Variants in CADM4 observed in about 807,000 individuals in gnomAD.
The protein encoded by CADM4 is cell adhesion molecule 4.
Under a neutral mutation model 43.9 loss-of-function variants are expected in CADM4, and 13 were observed. The observed-to-expected ratio is 0.30, with a 90% confidence interval of 0.19 to 0.47. CADM4 has a LOEUF of 0.47. Among genes scored for constraint, CADM4 ranks in the 20% least tolerant of loss-of-function variants. CADM4 has a pLI of 1.00. For synonymous variants in CADM4, 209 were observed against 220.9 expected, an observed-to-expected ratio of 0.95 and a Z score of 0.48; for missense variants, 420 against 527.0, an observed-to-expected ratio of 0.80 and a Z score of 1.99.
intron 1 of CADM4, among the ~76,000 whole-genome samples, chr19:43,629,824 C>T (rs1238799577): frequency 6.6e-6 from 1 of 152,098 alleles, no homozygotes; most frequent in Non-Finnish European, 1.5e-5. Flanking sequence ...GCCATATTGG[C>T]CTGGCTGGTC....
rs1973485320 is a variant in CADM4, at chr19:43,624,146, A to C, written c.1025T>G (p.Val342Gly). 1 of 1,614,044 alleles carries C rather than the reference A, an allele frequency of 6.2e-7. No individual in the cohort carries two copies. The highest frequency in any genetic ancestry group is 1.7e-5 in the Admixed American group (1 of 60,002). ...CCGTACCGAGCACCAGACCATGCCCACTAGCACACATATGATCAGAAACAC... is the reference window on the plus strand; with the variant it reads ...CCGTACCGAGCACCAGACCATGCCCCCTAGCACACATATGATCAGAAACAC... ...LLVFLIICVL[V>G]GMVWCSVRQK... is the part of the protein sequence containing the mutation. The change falls in exon 8 of 9, where the codon GTG (valine) becomes GGG (glycine). Residue 342 changes from valine (V) to glycine (G), a missense_variant. Transcript: ENST00000222374.
chr19:43,624,365 C>T, intron 7 of CADM4, 123 bp from the exon 8 acceptor site: 1 of 1,236,880 alleles, frequency 8.1e-7, no homozygotes, highest in Non-Finnish European at 1.1e-6. Flanking sequence ...TGCCACACCC[C>T]TCAAAAATTA....
Position 43,625,085 on chromosome 19 carries a change from C to T in CADM4, c.921G>A (p.Val307=). The T allele has an allele frequency of 1.2e-6, 2 of 1,608,178 alleles. No individual in the cohort carries two copies. The highest frequency in any genetic ancestry group is 1.7e-6 in the Non-Finnish European group (2 of 1,177,498). The change falls in exon 7 of 9, where the codon GTG becomes GTA. Residue 307 remains valine (V), a synonymous_variant. Coordinates refer to ENST00000222374, the MANE Select transcript of CADM4 (RefSeq NM_145296.2). This position sits in a 1 kb window ranked among gnomAD's most constrained non-coding sequence, Gnocchi z 4.5. ...HGHARALYVL[V]VYDPGAVVEA... is the part of the protein sequence containing the mutation. Reference sequence around the variant, plus strand: ...GCCGCAGCCTGCTCTCACCGTAGACCACAAGTACGTAGAGCGCCCTCGCAT... The same window carrying T: ...GCCGCAGCCTGCTCTCACCGTAGACTACAAGTACGTAGAGCGCCCTCGCAT...
Position 43,627,573 on chromosome 19 carries a change from TCAGGA to T in CADM4, c.211+66_211+70del, listed in dbSNP as rs1406413746. On this transcript the variant is annotated intron_variant, in intron 2 of 8. Coordinates refer to ENST00000222374, the MANE Select transcript of CADM4 (RefSeq NM_145296.2). The surrounding 1 kb of genome is among the most constrained non-coding windows in gnomAD (Gnocchi z 4.0). ...ACCAAACTCTCAGGTGTGTCCTCTTTCAGGACATGGGAGCCTGGGCCCCAGCCCTC... is the reference window on the plus strand; with the variant it reads ...ACCAAACTCTCAGGTGTGTCCTCTTTCATGGGAGCCTGGGCCCCAGCCCTC... The T allele has an allele frequency of 2.0e-6, 3 of 1,520,952 alleles. No individual in the cohort carries two copies. The Admixed American group carries it at 5.5e-5, about 28-fold the overall frequency. The allele number at this position is 1,520,952 out of a possible 1,614,324, so 94.2% of individuals were successfully genotyped here.
In CADM4 at chr19:43,627,286, A is replaced by ACTCC; in HGVS notation, c.240_243dup (p.Phe82GlyfsTer111). 1 of 1,607,588 alleles carries ACTCC rather than the reference A, an allele frequency of 6.2e-7. No individual in the cohort carries two copies. The highest frequency in any genetic ancestry group is 8.5e-7 in the Non-Finnish European group (1 of 1,176,824). ...CGGATCCGCACCCGGCGTGGGGAGA[A>ACTCC]CTCCTCAAGCTGGAAACGCTCATCC... On this transcript the variant is annotated frameshift_variant, in exon 3 of 9. Coordinates refer to ENST00000222374, the MANE Select transcript of CADM4 (RefSeq NM_145296.2). LOFTEE classifies it high-confidence loss of function. The surrounding 1 kb of genome is among the most constrained non-coding windows in gnomAD (Gnocchi z 4.0).
rs773479268 is a variant in CADM4 at position 43,627,651 on chromosome 19, G to A, written c.204C>T (p.Gly68=). The change falls in exon 2 of 9, where the codon GGC becomes GGT. Residue 68 remains glycine (G), a synonymous_variant. Transcript: ENST00000222374. The surrounding 1 kb of genome is among the most constrained non-coding windows in gnomAD (Gnocchi z 4.0). ...NPARQTLFFN[G]TRALKDERFQ... The stretch of plus-strand genomic sequence containing the variant: ...CTGGTCCCCAGCACTCACCACGGGT[G>A]CCATTGAAGAAGAGGGTCTGCCGGG... 6.8e-6 allele frequency: 11 copies of A among 1,613,458 alleles called. No homozygotes were observed. In the South Asian group the frequency reaches 1.1e-4, roughly 16 times the overall value.
rs781460070 is a variant in CADM4 at position 43,625,961 on chromosome 19, C to T, written c.705G>A (p.Val235=). ...TARIHASQAV[V]REGDTLVLTC... ...TCAACACCAGCGTGTCTCCCTCCCT[C>T]ACCACAGCTTGGGAGGCATGAATCC... is the stretch of plus-strand genomic sequence containing the variant. Residue 235 remains valine, a synonymous_variant, in exon 6 of 9, where the codon GTG becomes GTA. Transcript: ENST00000222374. This position sits in a 1 kb window ranked among gnomAD's most constrained non-coding sequence, Gnocchi z 4.5. 5.6e-6 allele frequency: 9 copies of T among 1,614,060 alleles called. No individual in the cohort carries two copies. The African/African-American group carries it at 1.2e-4, about 22-fold the overall frequency.
chr19:43,627,333 G>A lies in CADM4; in HGVS notation c.212-15C>T. 1 of 1,553,238 alleles carries A rather than the reference G, an allele frequency of 6.4e-7. No homozygotes were observed. The highest frequency in any genetic ancestry group is 8.7e-7 in the Non-Finnish European group (1 of 1,144,720). On this transcript the variant is annotated splice_polypyrimidine_tract_variant and intron_variant, in intron 2 of 8. Coordinates refer to ENST00000222374, the MANE Select transcript of CADM4 (RefSeq NM_145296.2). The surrounding 1 kb of genome is among the most constrained non-coding windows in gnomAD (Gnocchi z 4.0). ...ATCCTTCAAGGCTAGAGAGAGTGAG[G>A]GGGAAGGTGTGAATTTCGGGAGTCC...
At chr19:43,639,220 C>T in intron 1 of CADM4, among the ~76,000 whole-genome samples, 1 of 150,790 alleles carries the variant, frequency 6.6e-6, no homozygotes, top group East Asian at 2.0e-4. Context: ...CAGAGTGACC[C>T]AGGAAAAGGG....
intron 1 of CADM4, among the ~76,000 whole-genome samples, chr19:43,634,226 T>A (rs1427947276): frequency 6.6e-6 from 1 of 152,200 alleles, no homozygotes; most frequent in Non-Finnish European, 1.5e-5. Context: ...CAAGGCTGTT[T>A]TAGTGCAACC....
In CADM4 at chr19:43,625,608, C is replaced by T. The variant is rs1020243032; in HGVS notation, c.755+303G>A. Among the ~76,000 whole-genome samples, 8 of 149,606 alleles carry T rather than the reference C, an allele frequency of 5.3e-5. No homozygotes were observed. Among genetic ancestry groups the T allele is most frequent in the African/African-American group, 2.0e-4 (8 of 40,554 alleles). On this transcript the variant is annotated intron_variant, in intron 6 of 8. Coordinates refer to ENST00000222374, the MANE Select transcript of CADM4 (RefSeq NM_145296.2). This position sits in a 1 kb window ranked among gnomAD's most constrained non-coding sequence, Gnocchi z 4.5. ...ATAATAATAATAATAATAATTCTAG[C>T]CCTCCCACGCCATTCCATCCTCAGC...
intron 1 of CADM4, among the ~76,000 whole-genome samples, chr19:43,639,473 G>A (rs1189036255): frequency 6.7e-6 from 1 of 150,204 alleles, no homozygotes; most frequent in Non-Finnish European, 1.5e-5. Flanking sequence ...GTGTAGGGGG[G>A]TCTCGGGCCC....
chr19:43,633,681 T>C (rs1173982825), intron 1 of CADM4, among the ~76,000 whole-genome samples: 1 of 151,340 alleles, frequency 6.6e-6, no homozygotes, highest in Non-Finnish European at 1.5e-5. Context: ...TTTCTCTTTC[T>C]TTCTTTTTTC....
rs556477941 is a variant in CADM4 at position 43,625,515 on chromosome 19, C to T, written c.756-265G>A. Among the ~76,000 whole-genome samples, 1 of 152,210 alleles carries T rather than the reference C, an allele frequency of 6.6e-6. No homozygotes were observed. Among genetic ancestry groups the T allele is most frequent in the South Asian group, 2.1e-4 (1 of 4,822 alleles). Reference sequence around the variant, plus strand: ...TTAGGAGGCTGAGACGGGAGGACTGCTTAAGGCCAGCAGTTCCAGACCAGC... The same window carrying T: ...TTAGGAGGCTGAGACGGGAGGACTGTTTAAGGCCAGCAGTTCCAGACCAGC... On this transcript the variant is annotated intron_variant, in intron 6 of 8. Transcript: ENST00000222374. The surrounding 1 kb of genome is among the most constrained non-coding windows in gnomAD (Gnocchi z 4.5).
intron 1 of CADM4, among the ~76,000 whole-genome samples, chr19:43,631,845 G>A (rs1973630455): frequency 6.6e-6 from 1 of 152,152 alleles, no homozygotes; most frequent in Non-Finnish European, 1.5e-5. Context: ...TGCTGTAACA[G>A]CCCTCAACTC....
chr19:43,627,177 A>G lies in CADM4; in HGVS notation c.353T>C (p.Leu118Pro). ...TEDTHHQIAT[L>P]TVLVAPENPV... ...GGGGAGGGCGTTACCTAGTACCGTG[A>G]GCGTGGCAATCTGGTGGTGGGTGTC... Residue 118 changes from leucine (L) to proline (P), a missense_variant, in exon 3 of 9, where the codon CTC (leucine) becomes CCC (proline). Coordinates refer to ENST00000222374, the MANE Select transcript of CADM4 (RefSeq NM_145296.2). This position sits in a 1 kb window ranked among gnomAD's most constrained non-coding sequence, Gnocchi z 4.0. 6.3e-7 allele frequency: 1 copy of G among 1,599,214 alleles called. No individual in the cohort carries two copies. Among genetic ancestry groups the G allele is most frequent in the Non-Finnish European group, 8.5e-7 (1 of 1,171,240 alleles).
chr19:43,636,769 C>T (rs1371283999), intron 1 of CADM4, among the ~76,000 whole-genome samples: 5 of 134,646 alleles, frequency 3.7e-5, no homozygotes, highest in African/African-American at 8.1e-5. Flanking sequence ...GGGACACAGG[C>T]GCCTGGCTCA....
At position 43,626,107 on chromosome 19, in the gene CADM4, G is replaced by GTGA; in HGVS notation, c.664+16_664+17insTCA. On this transcript the variant is annotated intron_variant, in intron 5 of 8. Coordinates refer to ENST00000222374, the MANE Select transcript of CADM4 (RefSeq NM_145296.2). The surrounding 1 kb of genome is among the most constrained non-coding windows in gnomAD (Gnocchi z 5.9). The stretch of plus-strand genomic sequence containing the variant: ...TGGCGTTGGGATCCCTTGGGTCCTG[G>GTGA]CCCGCCGGTCACTTACACTGCACAT... 1 of 1,612,294 alleles carries GTGA rather than the reference G, an allele frequency of 6.2e-7. No individual in the cohort carries two copies. The highest frequency in any genetic ancestry group is 8.5e-7 in the Non-Finnish European group (1 of 1,179,322).
chr19:43,625,196 CT>C lies in CADM4; in HGVS notation c.809del (p.Glu270GlyfsTer46). The C allele has an allele frequency of 6.2e-7, 1 of 1,614,238 alleles. No homozygotes were observed. Among genetic ancestry groups the C allele is most frequent in the Non-Finnish European group, 8.5e-7 (1 of 1,180,040 alleles). ...GCAGCGTGAGCGTCTCTCCCACGGC[CT>C]CCGCCCTCTCCGGCAAAGACTCATT... ...RGNESLPERAEAVGETLTLPG... is the reference protein window; with the variant it reads ...RGNESLPERAXAVGETLTLPG... On this transcript the variant is annotated frameshift_variant, in exon 7 of 9. Transcript: ENST00000222374. LOFTEE classifies it high-confidence loss of function. This position sits in a 1 kb window ranked among gnomAD's most constrained non-coding sequence, Gnocchi z 4.5.
Sources: gnomAD v4.1 joint callset for allele counts (sites outside exome capture counted in the v4.1 genomes callset) on GRCh38, gnomAD v4.1.1 for gene constraint, Gnocchi (gnomAD v3.1) non-coding constraint, MANE v1.5 for transcripts, NCBI Gene and HGNC (gene_info 2026-07-23, HGNC 2026-07-21) for gene names.